The following RASA4 variants were observed in gnomAD, a reference collection of about 807,000 sequenced individuals.
RASA4 encodes RAS p21 protein activator 4.
A neutral mutation model predicts 24.0 loss-of-function variants in RASA4; 5 were observed. The observed-to-expected ratio is 0.21, with a 90% CI of 0.11 to 0.44. The LOEUF (loss-of-function observed/expected upper bound fraction) is 0.44, where lower values mean the gene tolerates loss of function less well. RASA4 is among the 20% of genes least tolerant of loss of function. The pLI, the probability that RASA4 is intolerant of heterozygous loss-of-function variation, is 0.99. For synonymous variants in RASA4, 9 were observed against 132.7 expected, an observed-to-expected ratio of 0.07 and a Z score of 6.41; for missense variants, 38 against 293.0, an observed-to-expected ratio of 0.13 and a Z score of 6.35.
chr7:102,606,395 C>CAAAAAAAAAAAA (rs555519087), intron 4 of RASA4, among the ~76,000 whole-genome samples: 1 of 55,502 alleles, frequency 1.8e-5, no homozygotes, highest in Non-Finnish European at 4.0e-5. Context: ...GACCCCATCT[C>CAAAAAAAAAAAA]AAAAAAAAAA....
At chr7:102,591,776 G>T (rs1279957628) in intron 16 of RASA4, among the ~76,000 whole-genome samples, 28 of 149,498 alleles carry the variant, frequency 1.9e-4, no homozygotes, top group Non-Finnish European at 2.5e-4. Flanking sequence ...GGACCCTTAG[G>T]GAGATCATCT....
rs1801482624 is a variant in RASA4 at position 102,580,384 on chromosome 7, T to C, written c.*2387A>G. 1 of 80,840 alleles carries C rather than the reference T, an allele frequency of 1.2e-5. No homozygotes were observed. The highest frequency in any genetic ancestry group is 3.3e-5 in the African/African-American group (1 of 30,152). The allele number at this position is 80,840 out of a possible 1,614,324, so 5.0% of individuals were successfully genotyped here. ...GTTCAAAAATTTCAAGTCTCCTTTA[T>C]TTTCCTTTTTTTTTTTTTTTTTTTT... On this transcript the variant is annotated 3_prime_UTR_variant, in exon 21 of 21. Coordinates refer to ENST00000262940, the MANE Select transcript of RASA4 (RefSeq NM_006989.6).
intron 2 of RASA4, among the ~76,000 whole-genome samples, chr7:102,610,601 G>A (rs1252371872): frequency 6.6e-6 from 1 of 152,046 alleles, no homozygotes; most frequent in Non-Finnish European, 1.5e-5. Flanking sequence ...GGGAGGGGAA[G>A]GGAGCTCAGG....
At chr7:102,592,023 C>T (rs1358638985) in intron 16 of RASA4, among the ~76,000 whole-genome samples, 8 of 151,902 alleles carry the variant, frequency 5.3e-5, no homozygotes, top group East Asian at 1.9e-4. Flanking sequence ...TTAGTAGAGA[C>T]GGGGTTTCTC....
chr7:102,603,887 G>C (rs879692782), intron 5 of RASA4, among the ~76,000 whole-genome samples: 10 of 148,264 alleles, frequency 6.7e-5, no homozygotes, highest in Admixed American at 2.1e-4. Context: ...AACAGCCCGG[G>C]TGCAGTGGCT....
Position 102,580,882 on chromosome 7 carries a change from A to C in RASA4, c.*1889T>G. 7.5e-6 allele frequency: 1 copy of C among 134,094 alleles called. No individual in the cohort carries two copies. The highest frequency in any genetic ancestry group is 2.6e-5 in the African/African-American group (1 of 38,962). 8.3% of individuals were successfully genotyped at this position (134,094 alleles called of 1,614,324 possible). A position where few individuals can be genotyped will look rare whatever the true frequency, so the allele number is the denominator to read the frequency against. On this transcript the variant is annotated 3_prime_UTR_variant, in exon 21 of 21. Coordinates refer to ENST00000262940, the MANE Select transcript of RASA4 (RefSeq NM_006989.6). Reference sequence around the variant, plus strand: ...AAAAAAAACTATAAAGTTCCCCTTCATCTGAAAATTGAATGTGATTTTAAA... The same window carrying C: ...AAAAAAAACTATAAAGTTCCCCTTCCTCTGAAAATTGAATGTGATTTTAAA...
chr7:102,606,395 C>CAAAAAAAAAAA (rs555519087), intron 4 of RASA4, among the ~76,000 whole-genome samples: 5 of 55,502 alleles, frequency 9.0e-5, no homozygotes, highest in Non-Finnish European at 2.0e-4. Context: ...GACCCCATCT[C>CAAAAAAAAAAA]AAAAAAAAAA....
intron 16 of RASA4, among the ~76,000 whole-genome samples, chr7:102,591,010 G>C (rs1789970210): frequency 7.0e-6 from 1 of 143,008 alleles, no homozygotes; most frequent in East Asian, 2.1e-4. Flanking sequence ...ACCCTGGCAA[G>C]GAAGATGTAT....
intron 4 of RASA4, among the ~76,000 whole-genome samples, chr7:102,606,395 C>CAAAAAAAAAAAAA (rs555519087): frequency 5.4e-5 from 3 of 55,502 alleles, no homozygotes; most frequent in Non-Finnish European, 8.0e-5. Flanking sequence ...GACCCCATCT[C>CAAAAAAAAAAAAA]AAAAAAAAAA....
chr7:102,596,284 C>T (rs1202232978), intron 8 of RASA4, among the ~76,000 whole-genome samples, 155 bp from the exon 9 acceptor site: 1 of 147,192 alleles, frequency 6.8e-6, no homozygotes. Context: ...GCCTCCCAGG[C>T]TCTGCCCGGG....
intron 18 of RASA4, among the ~76,000 whole-genome samples, chr7:102,585,841 T>TTTTTTTTG (rs1234172842): frequency 7.0e-6 from 1 of 143,042 alleles, no homozygotes; most frequent in Admixed American, 6.9e-5. Context: ...TTTTCTGTTT[T>TTTTTTTTG]TTTTTTTGTT....
chr7:102,602,953 G>A (rs1374507700), intron 5 of RASA4, among the ~76,000 whole-genome samples: 2 of 151,154 alleles, frequency 1.3e-5, no homozygotes, highest in Non-Finnish European at 2.9e-5. Flanking sequence ...GTCTAGTCAC[G>A]GTACCTCCAG....
In RASA4 at chr7:102,605,931, C is replaced by T. The variant is rs755207081; in HGVS notation, c.355G>A (p.Glu119Lys). The stretch of plus-strand genomic sequence containing the variant: ...CACACTTCCAGCCGCAGGTGGATCT[C>T]GCCCTGCACCTCCTCATCGGGGTCG... ...EVDPDEEVQG[E>K]IHLRLEVWPG... The change falls in exon 5 of 21, where the codon GAG becomes AAG. Residue 119 changes from glutamate to lysine, a missense_variant. Coordinates refer to ENST00000262940, the MANE Select transcript of RASA4 (RefSeq NM_006989.6). The T allele has an allele frequency of 3.3e-5, 53 of 1,598,816 alleles. No individual in the cohort carries two copies. Among genetic ancestry groups the T allele is most frequent in the East Asian group, 6.8e-5 (3 of 44,396 alleles).
chr7:102,603,685 T>C (rs1188866401), intron 5 of RASA4, among the ~76,000 whole-genome samples: 3 of 152,346 alleles, frequency 2.0e-5, no homozygotes, highest in African/African-American at 7.2e-5. Context: ...AACCCCAACA[T>C]TGAGGCTGGG....
chr7:102,597,783 C>T (rs1346286856), intron 8 of RASA4, among the ~76,000 whole-genome samples: 6 of 119,472 alleles, frequency 5.0e-5, no homozygotes, highest in African/African-American at 1.3e-4. Flanking sequence ...GGTGGGATCT[C>T]GGCTCACTGC....
intron 18 of RASA4, among the ~76,000 whole-genome samples, chr7:102,586,157 AAAC>A (rs1444318560): frequency 4.2e-3 from 247 of 58,178 alleles, no homozygotes; most frequent in African/African-American, 0.015. Context: ...CACCCGGCCA[AAAC>A]AACATTTTTA....
chr7:102,590,862 C>T (rs1249795213), intron 16 of RASA4, among the ~76,000 whole-genome samples: 3 of 142,202 alleles, frequency 2.1e-5, no homozygotes, highest in Non-Finnish European at 4.6e-5. Context: ...ATCGCTTGAA[C>T]CCGGGAGGCG....
At chr7:102,597,796 C>T (rs1246333910) in intron 8 of RASA4, among the ~76,000 whole-genome samples, 1 of 104,978 alleles carries the variant, frequency 9.5e-6, no homozygotes, top group African/African-American at 2.9e-5. Context: ...CTCACTGCAA[C>T]CTCCGTCTCC....
At chr7:102,592,024 G>A (rs1227570618) in intron 16 of RASA4, among the ~76,000 whole-genome samples, 3 of 152,048 alleles carry the variant, frequency 2.0e-5, no homozygotes, top group Admixed American at 2.0e-4. Context: ...TAGTAGAGAC[G>A]GGGTTTCTCC....
Sources: gnomAD v4.1 joint callset for allele counts (sites outside exome capture counted in the v4.1 genomes callset) on GRCh38, gnomAD v4.1.1 for gene constraint, MANE v1.5 for transcripts, NCBI Gene and HGNC (gene_info 2026-07-23, HGNC 2026-07-21) for gene names.